Variants in SCMH1 observed in about 807,000 individuals in gnomAD.
The protein encoded by SCMH1 is polycomb protein SCMH1.
A neutral mutation model predicts 70.8 loss-of-function variants in SCMH1; 37 were observed. The ratio of observed to expected loss-of-function variants is 0.52; its 90% CI spans 0.40 to 0.69. The LOEUF is 0.69. SCMH1 is among the 30% of genes least tolerant of loss of function. SCMH1 has a pLI of 0.00. For synonymous variants in SCMH1, 292 were observed against 307.4 expected, an observed-to-expected ratio of 0.95 and a Z score of 0.52; for missense variants, 607 against 827.3, an observed-to-expected ratio of 0.73 and a Z score of 3.27.
chr1:41,030,728 T>A (rs1361569514), intron 13 of SCMH1, among the ~76,000 whole-genome samples: 3 of 152,224 alleles, frequency 2.0e-5, no homozygotes, highest in African/African-American at 7.2e-5. Context: ...ATTTTATGTT[T>A]CTTATCTGTC....
chr1:41,092,684 C>A (rs1663958820), intron 8 of SCMH1, among the ~76,000 whole-genome samples: 1 of 152,122 alleles, frequency 6.6e-6, no homozygotes, highest in Non-Finnish European at 1.5e-5. Flanking sequence ...AAGAAAAAAT[C>A]AAATAACCCC....
intron 1 of SCMH1, among the ~76,000 whole-genome samples, chr1:41,218,736 C>G (rs1658619726): frequency 6.6e-6 from 1 of 152,116 alleles, no homozygotes; most frequent in South Asian, 2.1e-4. Context: ...CACTGGTGAC[C>G]ACATTTAAAC....
chr1:41,167,997 T>C (rs1044377220), intron 2 of SCMH1, among the ~76,000 whole-genome samples: 1 of 150,400 alleles, frequency 6.6e-6, no homozygotes, highest in Non-Finnish European at 1.5e-5. Context: ...TGAAATCCAC[T>C]GCTGGCCTTA....
chr1:41,213,836 C>T (rs1315854683), intron 1 of SCMH1, among the ~76,000 whole-genome samples: 1 of 151,908 alleles, frequency 6.6e-6, no homozygotes, highest in African/African-American at 2.4e-5. Flanking sequence ...TAGCCATGAA[C>T]CTAGGACAGG....
Position 41,241,500 on chromosome 1 carries a change from G to C in SCMH1, c.-118+559C>G, listed in dbSNP as rs1261747528. On this transcript the variant is annotated intron_variant, in intron 1 of 14. Transcript: ENST00000337495. ...CCGGGCCCTAGGCGCCCCAGCTCTC[G>C]GTGGGGGCCACGCCGCCCCGTCGAC... Among the ~76,000 whole-genome samples the C allele has an allele frequency of 2.0e-5, 3 of 152,040 alleles. No homozygotes were observed. The East Asian group carries it at 5.8e-4, about 29-fold the overall frequency.
chr1:41,156,120 T>C (rs1557683463), intron 4 of SCMH1, among the ~76,000 whole-genome samples: 2 of 152,290 alleles, frequency 1.3e-5, no homozygotes, highest in Middle Eastern at 3.4e-3. Flanking sequence ...GACCGCTCTT[T>C]ATAGTCAGCC....
At chr1:41,231,520 C>T (rs1165675430) in intron 1 of SCMH1, among the ~76,000 whole-genome samples, 1 of 152,158 alleles carries the variant, frequency 6.6e-6, no homozygotes, top group East Asian at 1.9e-4. Flanking sequence ...TGTTACAATT[C>T]ATGAACCAAT....
chr1:41,236,892 C>A (rs190899755), intron 1 of SCMH1, among the ~76,000 whole-genome samples: 8 of 152,242 alleles, frequency 5.3e-5, no homozygotes, highest in African/African-American at 1.9e-4. Context: ...AGATGCAGAA[C>A]CCATGGATAC....
chr1:41,143,083 C>A (rs760266891), exon 6 of SCMH1: 1 of 1,614,054 alleles, frequency 6.2e-7, no homozygotes. Context: ...TCATACTGAT[C>A]TTGAACTCGT....
intron 8 of SCMH1, among the ~76,000 whole-genome samples, chr1:41,091,024 G>T (rs1174774857): frequency 8.1e-6 from 1 of 123,970 alleles, no homozygotes; most frequent in Non-Finnish European, 1.6e-5. Context: ...GGGCGAAAGA[G>T]CGAGACTCCG....
chr1:41,214,642 G>A (rs1469319560), intron 1 of SCMH1, among the ~76,000 whole-genome samples: 1 of 152,072 alleles, frequency 6.6e-6, no homozygotes, highest in Non-Finnish European at 1.5e-5. Flanking sequence ...AATAGTTGCA[G>A]GATGGAGGCA....
intron 4 of SCMH1, among the ~76,000 whole-genome samples, chr1:41,155,467 C>A (rs565008879): frequency 4.6e-5 from 7 of 151,568 alleles, no homozygotes; most frequent in Admixed American, 1.3e-4. Context: ...CAAAAACAAA[C>A]AAACAAACAA....
At chr1:41,063,885 C>A (rs1012815845) in intron 10 of SCMH1, among the ~76,000 whole-genome samples, 1 of 152,068 alleles carries the variant, frequency 6.6e-6, no homozygotes, top group African/African-American at 2.4e-5. Context: ...TGAATTCTAC[C>A]AACATTTAAG....
chr1:41,086,411 C>T (rs1286207789), intron 8 of SCMH1, among the ~76,000 whole-genome samples: 1 of 152,104 alleles, frequency 6.6e-6, no homozygotes, highest in East Asian at 1.9e-4. Context: ...CAAAACACTG[C>T]TGAAAGACAC....
chr1:41,103,828 GT>G (rs949501810), intron 8 of SCMH1, among the ~76,000 whole-genome samples: 23 of 151,480 alleles, frequency 1.5e-4, no homozygotes, highest in Admixed American at 1.2e-3. Flanking sequence ...TGGAATGGGA[GT>G]TTTTTTTTCT....
At chr1:41,144,249 G>A (rs954021068) in intron 5 of SCMH1, among the ~76,000 whole-genome samples, 10 of 152,122 alleles carry the variant, frequency 6.6e-5, no homozygotes, top group African/African-American at 2.2e-4. Context: ...CCCCAGTGGA[G>A]TCATTCCCCA....
chr1:41,240,700 A>T (rs2148961529), intron 1 of SCMH1, among the ~76,000 whole-genome samples: 1 of 152,224 alleles, frequency 6.6e-6, no homozygotes, highest in African/African-American at 2.4e-5. Context: ...TTTCCACAAA[A>T]TAAGATGTCT....
intron 1 of SCMH1, among the ~76,000 whole-genome samples, chr1:41,190,947 T>A (rs572807372): frequency 4.6e-5 from 7 of 152,328 alleles, no homozygotes; most frequent in Admixed American, 4.6e-4. Flanking sequence ...TGATCATAGT[T>A]CACTGCAGCC....
intron 13 of SCMH1, chr1:41,034,040 T>C (rs1307842833): frequency 6.2e-7 from 1 of 1,610,014 alleles, no homozygotes; most frequent in African/African-American, 1.3e-5. Context: ...TTTGATCCTT[T>C]TAACACTCCT....
Sources: gnomAD v4.1 joint callset for allele counts (sites outside exome capture counted in the v4.1 genomes callset) on GRCh38, gnomAD v4.1.1 for gene constraint, MANE v1.5 for transcripts, NCBI Gene and HGNC (gene_info 2026-07-23, HGNC 2026-07-21) for gene names.